The following DUSP13A variants were observed in gnomAD, a reference collection of about 807,000 sequenced individuals.
The protein encoded by DUSP13A is dual specificity phosphatase 13A, also known as dual specificity protein phosphatase 13A.
chr10:75,105,748 C>CG, the DUSP13A span: 3 of 1,554,118 alleles, frequency 1.9e-6, no homozygotes, highest in Non-Finnish European at 2.6e-6. Flanking sequence ...GAAGACCCAT[C>CG]GGTGCTGCCT....
chr10:75,106,494 C>T, the DUSP13A span, among the ~76,000 whole-genome samples: 1 of 152,298 alleles, frequency 6.6e-6, no homozygotes, highest in Non-Finnish European at 1.5e-5. Flanking sequence ...GCTTTCTTGA[C>T]CGCTCAAAGT....
chr10:75,107,777 G>C, the DUSP13A span, among the ~76,000 whole-genome samples: 4 of 152,236 alleles, frequency 2.6e-5, no homozygotes, highest in African/African-American at 7.2e-5. Context: ...AGGTTTCACC[G>C]TGTTGGCCAG....
the DUSP13A span, among the ~76,000 whole-genome samples, chr10:75,106,576 C>G: frequency 7.2e-5 from 11 of 152,292 alleles, no homozygotes; most frequent in Non-Finnish European, 1.2e-4. Context: ...GGGAAGTCCC[C>G]CCACCTTCCC....
chr10:75,108,222 G>A, the DUSP13A span: 1 of 1,584,690 alleles, frequency 6.3e-7, no homozygotes, highest in Non-Finnish European at 8.6e-7. Flanking sequence ...GGGGAGGGCA[G>A]GAAGGGCACT....
the DUSP13A span, chr10:75,105,915 A>G: frequency 6.6e-7 from 1 of 1,522,168 alleles, no homozygotes; most frequent in Non-Finnish European, 8.9e-7. Context: ...ACACCGGCCC[A>G]CCCACGGGCT....
the DUSP13A span, chr10:75,109,049 G>C: frequency 6.2e-7 from 1 of 1,611,298 alleles, no homozygotes; most frequent in Non-Finnish European, 8.5e-7. Flanking sequence ...TCGTCCACAC[G>C]GCTGCAAGAA....
At chr10:75,108,989 C>T in the DUSP13A span, 1 of 1,589,482 alleles carries the variant, frequency 6.3e-7, no homozygotes, top group African/African-American at 1.3e-5. Flanking sequence ...CCCCATGCCC[C>T]TTGGCCAGCT....
the DUSP13A span, chr10:75,105,789 C>G: frequency 1.3e-6 from 2 of 1,551,066 alleles, no homozygotes; most frequent in East Asian, 4.9e-5. Context: ...GCAGGGACAG[C>G]CGCTGGTGCA....
the DUSP13A span, chr10:75,105,708 G>T: frequency 6.4e-7 from 1 of 1,552,468 alleles, no homozygotes; most frequent in Non-Finnish European, 8.7e-7. Context: ...GGTCCAGCCT[G>T]CAGAGCTGGT....
At chr10:75,107,846 G>A in the DUSP13A span, 2 of 1,034,316 alleles carry the variant, frequency 1.9e-6, no homozygotes, top group African/African-American at 1.6e-5. Flanking sequence ...CAAAGTGCTA[G>A]GATTACAAGC....
the DUSP13A span, chr10:75,108,232 T>C: frequency 6.4e-7 from 1 of 1,574,500 alleles, no homozygotes; most frequent in Non-Finnish European, 8.6e-7. Flanking sequence ...GGAAGGGCAC[T>C]TGATGCCGGC....
At chr10:75,109,086 C>T in the DUSP13A span, 1 of 1,612,384 alleles carries the variant, frequency 6.2e-7, no homozygotes, top group Non-Finnish European at 8.5e-7. Context: ...GGAGCTCCTC[C>T]AGCTCCAGGA....
At chr10:75,108,502 AC>A in the DUSP13A span, among the ~76,000 whole-genome samples, 1 of 152,072 alleles carries the variant, frequency 6.6e-6, no homozygotes, top group Non-Finnish European at 1.5e-5. Flanking sequence ...CAGCCCTGGA[AC>A]CTGGCTGCCC....
At chr10:75,108,088 G>T in the DUSP13A span, 1 of 1,613,768 alleles carries the variant, frequency 6.2e-7, no homozygotes, top group Admixed American at 1.7e-5. Flanking sequence ...GGCACCCCCA[G>T]GTAGCTCACA....
chr10:75,108,984 T>C, the DUSP13A span: 1 of 1,579,974 alleles, frequency 6.3e-7, no homozygotes, highest in Non-Finnish European at 8.6e-7. Context: ...CCCACCCCCA[T>C]GCCCCTTGGC....
At chr10:75,109,073 G>T in the DUSP13A span, 36 of 1,611,822 alleles carry the variant, frequency 2.2e-5, no homozygotes, top group African/African-American at 5.4e-5. Context: ...TTCCCTGCCC[G>T]CAGGAGCTCC....
chr10:75,108,863 C>G, the DUSP13A span: 2 of 1,097,166 alleles, frequency 1.8e-6, no homozygotes, highest in Non-Finnish European at 2.5e-6. Context: ...CTCAGCACCC[C>G]CGGGGGTCCT....
the DUSP13A span, among the ~76,000 whole-genome samples, chr10:75,106,656 G>A: frequency 6.6e-6 from 1 of 152,328 alleles, no homozygotes; most frequent in South Asian, 2.1e-4. Context: ...CTTATGAGTA[G>A]CTCTCACTAT....
At chr10:75,108,943 G>A in the DUSP13A span, 1 of 1,535,246 alleles carries the variant, frequency 6.5e-7, no homozygotes, top group Non-Finnish European at 8.8e-7. Context: ...CCTGTGTCTG[G>A]TAAAGCGACC....
Sources: gnomAD v4.1 joint callset for allele counts (sites outside exome capture counted in the v4.1 genomes callset) on GRCh38, gnomAD v4.1.1 for gene constraint, MANE v1.5 for transcripts, NCBI Gene and HGNC (gene_info 2026-07-23, HGNC 2026-07-21) for gene names.